EIF3L: variants seen among roughly 807,000 people sequenced by gnomAD.
The protein encoded by EIF3L is eIEF associated protein HSPC021.
In EIF3L, 32 loss-of-function variants were observed where a neutral mutation model predicts 74.6. That is an observed-to-expected ratio of 0.43 (90% CI 0.32 to 0.58). The LOEUF is 0.58. Ranked by LOEUF, EIF3L falls within the 20% of genes least tolerant of loss-of-function variation. The pLI, the probability that EIF3L is intolerant of heterozygous loss-of-function variation, is 0.06. For synonymous variants in EIF3L, 256 were observed against 254.4 expected, an observed-to-expected ratio of 1.01 and a Z score of -0.06; for missense variants, 474 against 707.8, an observed-to-expected ratio of 0.67 and a Z score of 3.75.
At chr22:37,855,759 G>T (rs753264255) in intron 4 of EIF3L, 115 bp downstream of exon 4, 1 of 851,562 alleles carries the variant, frequency 1.2e-6, no homozygotes, top group Non-Finnish European at 1.8e-6. Flanking sequence ...TTTCCTTGGT[G>T]CTTGGTATGT....
intron 9 of EIF3L, among the ~76,000 whole-genome samples, chr22:37,874,863 G>C (rs1926659623): frequency 6.6e-6 from 1 of 151,470 alleles, no homozygotes; most frequent in Admixed American, 6.6e-5. Flanking sequence ...TGAGTAGCTG[G>C]GACTACAGGC....
At chr22:37,856,708 G>GT (rs1925529373) in intron 4 of EIF3L, among the ~76,000 whole-genome samples, 1 of 152,058 alleles carries the variant, frequency 6.6e-6, no homozygotes, top group Non-Finnish European at 1.5e-5. Context: ...GCCGGGCATG[G>GT]TGACACATGC....
rs71195065 is a variant in EIF3L at position 37,868,634 on chromosome 22, C to CTTTTTTTTTTTTTTTTTTT, written c.580-1535_580-1517dup. 3.2e-4 allele frequency among the ~76,000 whole-genome samples: 8 copies of CTTTTTTTTTTTTTTTTTTT among 25,130 alleles called. 3 individuals are homozygous for CTTTTTTTTTTTTTTTTTTT. The highest frequency in any genetic ancestry group is 4.6e-3 in the East Asian group (2 of 432). 16.5% of individuals were successfully genotyped at this position (25,130 alleles called of 152,430 possible). On this transcript the variant is annotated intron_variant, in intron 7 of 12. Coordinates refer to ENST00000652021, the MANE Select transcript of EIF3L (RefSeq NM_016091.4). ...ACACCTGGCTATTTTTGTTTTGGTG[C>CTTTTTTTTTTTTTTTTTTT]TTTTTTTTTTTTTTTTTTTTTTTTT...
rs139321489 is a variant in EIF3L at position 37,851,328 on chromosome 22, C to A, written c.131C>A (p.Thr44Asn). 65 of 1,614,014 alleles carry A rather than the reference C, an allele frequency of 4.0e-5. No homozygotes were observed. Among genetic ancestry groups the A allele is most frequent in the Non-Finnish European group, 5.3e-5 (63 of 1,180,026 alleles). The change falls in exon 3 of 13, where the codon ACC becomes AAC. Residue 44 changes from threonine (T) to asparagine (N), a missense_variant. Physicochemically the swap from Thr to Asn is moderately conservative, Grantham distance 65. Coordinates refer to ENST00000652021, the MANE Select transcript of EIF3L (RefSeq NM_016091.4). Reference protein sequence around the residue: ...LAYERQYEQQTYQVIPEVIKN... With the variant: ...LAYERQYEQQNYQVIPEVIKN... ...TATGAACGTCAGTATGAACAGCAAA[C>A]CTATCAGGTGATCCCTGAGGTGATC...
At position 37,850,211 on chromosome 22, in the gene EIF3L, A is replaced by G. The variant is rs573279038; in HGVS notation, c.82+148A>G. 2.9e-5 allele frequency: 23 copies of G among 785,282 alleles called. No individual in the cohort carries two copies. In the African/African-American group the frequency reaches 4.0e-4, roughly 14 times the overall value. 48.6% of individuals were successfully genotyped at this position (785,282 alleles called of 1,614,324 possible). On this transcript the variant is annotated intron_variant, in intron 2 of 12. Transcript: ENST00000652021. ...TAGCTGCCAGTGCGAGGGGTTTTATAAAGCCTAATAAACCAGGCTTTTTAT... is the reference window on the plus strand; with the variant it reads ...TAGCTGCCAGTGCGAGGGGTTTTATGAAGCCTAATAAACCAGGCTTTTTAT...
At position 37,875,888 on chromosome 22, in the gene EIF3L, T is replaced by C. The variant is rs567074685; in HGVS notation, c.954T>C (p.Tyr318=). 9.9e-6 allele frequency: 16 copies of C among 1,614,096 alleles called. No homozygotes were observed. In the African/African-American group the frequency reaches 1.3e-4, roughly 13 times the overall value. ...VPECQVTTYY[Y]VGFAYLMMRR... is the part of the protein sequence containing the mutation. ...AGTGCCAGGTCACCACATACTATTA[T>C]GTTGGGTTTGCATATTTGATGATGC... The change falls in exon 10 of 13, where the codon TAT becomes TAC. Residue 318 remains tyrosine, a synonymous_variant. Coordinates refer to ENST00000652021, the MANE Select transcript of EIF3L (RefSeq NM_016091.4).
chr22:37,888,364 A>G (rs1569127025), intron 12 of EIF3L, 62 bp from the exon 13 acceptor site: 2 of 1,575,326 alleles, frequency 1.3e-6, no homozygotes, highest in African/African-American at 1.3e-5. Flanking sequence ...GTGATCATAC[A>G]CACTGTAGGA....
chr22:37,886,629 T>C, intron 11 of EIF3L, 136 bp from the exon 12 acceptor site: 1 of 581,420 alleles, frequency 1.7e-6, no homozygotes, highest in Non-Finnish European at 3.0e-6. Context: ...TGGTGGTGTT[T>C]TTCCAGTGGT....
chr22:37,879,999 C>T (rs1479264940), intron 11 of EIF3L: 1 of 152,062 alleles, frequency 6.6e-6, no homozygotes, highest in African/African-American at 2.4e-5. Flanking sequence ...GACAGGGTTT[C>T]ACTATGTTGA....
chr22:37,850,073 C>T lies in EIF3L; in HGVS notation c.82+10C>T. The T allele has an allele frequency of 6.2e-7, 1 of 1,613,250 alleles. No individual in the cohort carries two copies. Among genetic ancestry groups the T allele is most frequent in the Non-Finnish European group, 8.5e-7 (1 of 1,179,438 alleles). On this transcript the variant is annotated intron_variant, in intron 2 of 12. Transcript: ENST00000652021. ...TATGATATGCACACAGGTGAGACCA[C>T]GGGTTAGGCTGGCTGAGTACTCGTA...
intron 8 of EIF3L, among the ~76,000 whole-genome samples, chr22:37,871,538 A>G (rs1926469589): frequency 1.3e-5 from 2 of 152,206 alleles, no homozygotes; most frequent in Non-Finnish European, 2.9e-5. Flanking sequence ...TGAAAAATAA[A>G]TGAATTTTAT....
At chr22:37,868,007 A>G (rs2145821232) in intron 7 of EIF3L, among the ~76,000 whole-genome samples, 1 of 150,898 alleles carries the variant, frequency 6.6e-6, no homozygotes. Flanking sequence ...CTGATTTCCC[A>G]TATTAATTGT....
At chr22:37,874,631 TC>T in intron 9 of EIF3L, 107 bp downstream of exon 9, 1 of 1,303,772 alleles carries the variant, frequency 7.7e-7, no homozygotes, top group Non-Finnish European at 1.0e-6. Flanking sequence ...AGAGGACTGT[TC>T]CCTCAGGCCA....
At chr22:37,859,374 CT>C (rs34020382) in intron 5 of EIF3L, among the ~76,000 whole-genome samples, 5,110 of 78,984 alleles carry the variant, frequency 0.065, 126 homozygotes, top group African/African-American at 0.084. Flanking sequence ...CGTGAAGTTT[CT>C]TTTTTTTTTT....
chr22:37,859,111 A>G (rs1208539702), intron 5 of EIF3L, among the ~76,000 whole-genome samples: 2 of 151,628 alleles, frequency 1.3e-5, no homozygotes, highest in Non-Finnish European at 1.5e-5. Context: ...AGATGTACAT[A>G]ACACTGTCAC....
At chr22:37,871,369 T>A (rs1385007690) in intron 8 of EIF3L, 1 of 152,064 alleles carries the variant, frequency 6.6e-6, no homozygotes, top group Non-Finnish European at 1.5e-5. Flanking sequence ...TCTGAAATGC[T>A]CCAAAATCTG....
intron 3 of EIF3L, 130 bp from the exon 4 acceptor site, chr22:37,855,435 A>G (rs1925448510): frequency 4.2e-6 from 3 of 707,902 alleles, no homozygotes; most frequent in African/African-American, 1.8e-5. Context: ...GTGGGCTTGA[A>G]GGGCTTTGGC....
chr22:37,868,122 T>C (rs1421959203), intron 7 of EIF3L, among the ~76,000 whole-genome samples: 1 of 142,618 alleles, frequency 7.0e-6, no homozygotes, highest in East Asian at 2.1e-4. Context: ...TTTTTTTTTT[T>C]TTTTTTTTTT....
intron 2 of EIF3L, chr22:37,850,436 C>A: frequency 4.4e-6 from 1 of 228,586 alleles, no homozygotes; most frequent in South Asian, 4.4e-5. Context: ...CTCGTTCAAG[C>A]AGTAGTTCTC....
Sources: allele counts gnomAD v4.1 joint callset (sites outside exome capture counted in the v4.1 genomes callset), GRCh38; gene constraint gnomAD v4.1.1; transcripts MANE v1.5; gene names NCBI Gene and HGNC (gene_info 2026-07-23, HGNC 2026-07-21).